The following MTMR7 variants were observed in gnomAD, a reference collection of about 807,000 sequenced individuals.
MTMR7 encodes phosphatidylinositol-3-phosphate phosphatase MTMR7.
A neutral mutation model predicts 81.2 loss-of-function variants in MTMR7; 76 were observed. That is an observed-to-expected ratio of 0.94 (90% CI 0.78 to 1.13). MTMR7 has a LOEUF of 1.13. Among genes scored for constraint, MTMR7 ranks in the 50% most tolerant of loss-of-function variants. The pLI is 0.00. For missense variants in MTMR7, 1,044 were observed against 820.0 expected (o/e 1.27, Z -3.34); for synonymous variants, 372 against 289.8 (o/e 1.28, Z -2.88).
At chr8:17,318,563 G>A (rs1451136987) in intron 7 of MTMR7, among the ~76,000 whole-genome samples, 1 of 152,154 alleles carries the variant, frequency 6.6e-6, no homozygotes, top group Non-Finnish European at 1.5e-5. Context: ...CTCTTCCTGT[G>A]GTTCCAGGAG....
At chr8:17,325,451 C>T (rs1337297795) in intron 7 of MTMR7, among the ~76,000 whole-genome samples, 1 of 152,192 alleles carries the variant, frequency 6.6e-6, no homozygotes, top group Non-Finnish European at 1.5e-5. Context: ...AGTCAATGCC[C>T]ATCATGTCAG....
intron 1 of MTMR7, among the ~76,000 whole-genome samples, chr8:17,375,055 C>A (rs1022209685): frequency 3.3e-5 from 5 of 151,954 alleles, no homozygotes; most frequent in Admixed American, 1.3e-4. Context: ...CACCACTGCA[C>A]CCCAGTCTGG....
chr8:17,336,824 T>C lies in MTMR7; in HGVS notation c.732+4539A>G, dbSNP rs549507747. On this transcript the variant is annotated intron_variant, in intron 6 of 13. Coordinates refer to ENST00000180173, the MANE Select transcript of MTMR7 (RefSeq NM_004686.5). ...GCCTCGTCAGGCGTGTGCTCAGAGG[T>C]GGTAACCCCACAGAGCTTCCACGTG... 4.6e-5 allele frequency among the ~76,000 whole-genome samples: 7 copies of C among 151,984 alleles called. No homozygotes were observed. The East Asian group carries it at 1.4e-3, about 30-fold the overall frequency.
At chr8:17,377,281 A>G (rs1820618593) in intron 1 of MTMR7, among the ~76,000 whole-genome samples, 1 of 152,068 alleles carries the variant, frequency 6.6e-6, no homozygotes, top group Non-Finnish European at 1.5e-5. Context: ...ACTGTTTCCA[A>G]TTTTTACTAA....
At chr8:17,314,233 G>T (rs1486317760) in intron 7 of MTMR7, among the ~76,000 whole-genome samples, 1 of 152,142 alleles carries the variant, frequency 6.6e-6, no homozygotes, top group Non-Finnish European at 1.5e-5. Context: ...CCCTATTGAG[G>T]AGTCTTATCA....
chr8:17,393,657 G>C (rs1290190752), intron 1 of MTMR7, among the ~76,000 whole-genome samples: 1 of 151,782 alleles, frequency 6.6e-6, no homozygotes, highest in Non-Finnish European at 1.5e-5. Flanking sequence ...ATGAGAACAC[G>C]TGGACACATC....
chr8:17,297,927 T>G lies in MTMR7; in HGVS notation c.*1935A>C, dbSNP rs1370443602. On this transcript the variant is annotated 3_prime_UTR_variant, in exon 14 of 14. Coordinates refer to ENST00000180173, the MANE Select transcript of MTMR7 (RefSeq NM_004686.5). ...GTTGAGGGGACTAAAAGTTTATGAC[T>G]CTGATATGGAAGTTGTCATATTAAA... is the stretch of plus-strand genomic sequence containing the variant. The G allele has an allele frequency of 1.3e-5, 2 of 152,086 alleles. No individual in the cohort carries two copies. Among genetic ancestry groups the G allele is most frequent in the Non-Finnish European group, 2.9e-5 (2 of 67,924 alleles). 9.4% of individuals were successfully genotyped at this position (152,086 alleles called of 1,614,324 possible).
intron 6 of MTMR7, among the ~76,000 whole-genome samples, chr8:17,335,304 A>T (rs1051917828): frequency 6.6e-6 from 1 of 152,162 alleles, no homozygotes; most frequent in Non-Finnish European, 1.5e-5. Context: ...AGGAAGATTT[A>T]CTGACCGGCT....
chr8:17,327,473 G>C (rs1245455228), intron 7 of MTMR7, among the ~76,000 whole-genome samples: 1 of 152,004 alleles, frequency 6.6e-6, no homozygotes, highest in Non-Finnish European at 1.5e-5. Flanking sequence ...TAGAGACAGG[G>C]TCTCACTGTG....
At chr8:17,376,164 G>T (rs1820581538) in intron 1 of MTMR7, among the ~76,000 whole-genome samples, 1 of 152,154 alleles carries the variant, frequency 6.6e-6, no homozygotes, top group Non-Finnish European at 1.5e-5. Context: ...TGTATAAACA[G>T]AATCATACAA....
intron 2 of MTMR7, 65 bp downstream of exon 2, chr8:17,373,053 G>C (rs544377618): frequency 3.2e-6 from 5 of 1,581,590 alleles, no homozygotes; most frequent in East Asian, 4.5e-5. Context: ...AAAATGAATG[G>C]AGGGCAAACA....
intron 1 of MTMR7, among the ~76,000 whole-genome samples, chr8:17,401,188 G>C (rs1401714379): frequency 6.6e-6 from 1 of 152,136 alleles, no homozygotes; most frequent in Non-Finnish European, 1.5e-5. Context: ...AAGTATGTTG[G>C]TTGAGGTGAG....
At chr8:17,326,087 C>T (rs1290132684) in intron 7 of MTMR7, among the ~76,000 whole-genome samples, 2 of 152,188 alleles carry the variant, frequency 1.3e-5, no homozygotes, top group Non-Finnish European at 1.5e-5. Flanking sequence ...CGCAGAGACT[C>T]AATCAAGAAC....
At chr8:17,324,378 C>G (rs60810870) in intron 7 of MTMR7, among the ~76,000 whole-genome samples, 1 of 152,018 alleles carries the variant, frequency 6.6e-6, no homozygotes, top group Non-Finnish European at 1.5e-5. Context: ...CACTCTCCAT[C>G]TTCAGATTGG....
chr8:17,319,687 T>C (rs1818281227), intron 7 of MTMR7, among the ~76,000 whole-genome samples: 1 of 152,200 alleles, frequency 6.6e-6, no homozygotes, highest in Non-Finnish European at 1.5e-5. Flanking sequence ...TTCTTGATTG[T>C]GGAAACCAAT....
intron 7 of MTMR7, among the ~76,000 whole-genome samples, chr8:17,321,264 C>T (rs1818375412): frequency 6.6e-6 from 1 of 152,214 alleles, no homozygotes; most frequent in Non-Finnish European, 1.5e-5. Flanking sequence ...GAATGGATGG[C>T]CACAGGACCA....
intron 1 of MTMR7, among the ~76,000 whole-genome samples, chr8:17,389,905 T>C (rs1456273520): frequency 1.3e-5 from 2 of 152,144 alleles, no homozygotes; most frequent in Non-Finnish European, 2.9e-5. Context: ...TTAAACCGTT[T>C]CCTTTATCCA....
At chr8:17,343,110 G>A (rs914615658) in intron 5 of MTMR7, among the ~76,000 whole-genome samples, 11 of 152,172 alleles carry the variant, frequency 7.2e-5, no homozygotes, top group African/African-American at 2.7e-4. Context: ...GTTGGCTTTA[G>A]ATGATACTTT....
intron 1 of MTMR7, among the ~76,000 whole-genome samples, chr8:17,400,130 T>C (rs1456337139): frequency 6.6e-6 from 1 of 152,190 alleles, no homozygotes; most frequent in Admixed American, 6.5e-5. Context: ...TTGTTTACTG[T>C]TGAGATTGAA....
Sources: gnomAD v4.1 joint callset for allele counts (sites outside exome capture counted in the v4.1 genomes callset) on GRCh38, gnomAD v4.1.1 for gene constraint, MANE v1.5 for transcripts, NCBI Gene and HGNC (gene_info 2026-07-23, HGNC 2026-07-21) for gene names.